ZFYVE28: variants seen among roughly 807,000 people sequenced by gnomAD.
ZFYVE28 encodes the protein lateral signaling target protein 2 homolog.
In ZFYVE28, 40 loss-of-function variants were observed where a neutral mutation model predicts 82.1. The ratio of observed to expected loss-of-function variants is 0.49; its 90% CI spans 0.38 to 0.63. The LOEUF (loss-of-function observed/expected upper bound fraction) is 0.63. Among genes scored for constraint, ZFYVE28 ranks in the 30% least tolerant of loss-of-function variants. ZFYVE28 has a pLI of 0.00. For synonymous variants in ZFYVE28, 612 were observed against 546.1 expected, an observed-to-expected ratio of 1.12 and a Z score of -1.68; for missense variants, 1,321 against 1,242.1, an observed-to-expected ratio of 1.06 and a Z score of -0.96.
chr4:2,392,667 T>G (rs1729964747), intron 1 of ZFYVE28, among the ~76,000 whole-genome samples: 1 of 152,184 alleles, frequency 6.6e-6, no homozygotes, highest in African/African-American at 2.4e-5. Flanking sequence ...ACAACTAAAT[T>G]TTGCAGCTTA....
chr4:2,313,403 G>C (rs1382859414), intron 7 of ZFYVE28, among the ~76,000 whole-genome samples: 1 of 152,080 alleles, frequency 6.6e-6, no homozygotes, highest in Non-Finnish European at 1.5e-5. Context: ...TGGGACCACA[G>C]ATATGTGCCA....
chr4:2,401,943 G>A (rs1009889303), intron 1 of ZFYVE28, among the ~76,000 whole-genome samples: 26 of 152,316 alleles, frequency 1.7e-4, no homozygotes, highest in Admixed American at 1.1e-3. Context: ...CTGAAGCCCC[G>A]TGTGCGTGGT....
intron 8 of ZFYVE28, among the ~76,000 whole-genome samples, chr4:2,278,294 C>T (rs1736664749): frequency 6.7e-6 from 1 of 149,624 alleles, no homozygotes; most frequent in Admixed American, 6.7e-5. Flanking sequence ...CTCAAGTGAG[C>T]CTCCCATCTC....
intron 1 of ZFYVE28, among the ~76,000 whole-genome samples, chr4:2,411,071 C>G (rs1163847874): frequency 6.6e-6 from 1 of 152,204 alleles, no homozygotes; most frequent in Non-Finnish European, 1.5e-5. Flanking sequence ...ATTGGGTGTG[C>G]TAGCCCAGTC....
rs180814348 is a variant in ZFYVE28, at chr4:2,337,671, C to T, written c.522-175G>A. ...CTGAGGTGGGAGGATGGCTTGAGCC[C>T]AGGAGTTCGAGGCACCACAGCAAGA... On this transcript the variant is annotated intron_variant, in intron 4 of 12. Transcript: ENST00000290974. Among the ~76,000 whole-genome samples, 271 of 152,148 alleles carry T rather than the reference C, an allele frequency of 1.8e-3. 4 individuals carry two copies. Among genetic ancestry groups the T allele is most frequent in the African/African-American group, 6.1e-3 (255 of 41,518 alleles).
intron 1 of ZFYVE28, among the ~76,000 whole-genome samples, chr4:2,387,897 G>C (rs1729439409): frequency 6.6e-6 from 1 of 152,242 alleles, no homozygotes; most frequent in African/African-American, 2.4e-5. Context: ...TCGGACAGCA[G>C]GACCCCTGAG....
intron 11 of ZFYVE28, 72 bp downstream of exon 11, chr4:2,271,603 G>A: frequency 6.6e-7 from 1 of 1,522,822 alleles, no homozygotes; most frequent in Non-Finnish European, 9.1e-7. Context: ...CCCCCAGGAG[G>A]AAGGCTCCTG....
intron 2 of ZFYVE28, among the ~76,000 whole-genome samples, chr4:2,349,780 C>T (rs190421653): frequency 7.2e-5 from 11 of 152,034 alleles, no homozygotes; most frequent in Admixed American, 2.0e-4. Flanking sequence ...TGATAATCTC[C>T]GTTGACACAC....
chr4:2,298,280 C>T (rs565864405), intron 8 of ZFYVE28, among the ~76,000 whole-genome samples: 8 of 151,682 alleles, frequency 5.3e-5, no homozygotes, highest in African/African-American at 1.5e-4. Flanking sequence ...CTGGGAGGAA[C>T]GGCAGAGGAT....
chr4:2,294,074 C>CTT (rs58688626), intron 8 of ZFYVE28, among the ~76,000 whole-genome samples: 285 of 138,002 alleles, frequency 2.1e-3, no homozygotes, highest in East Asian at 4.8e-3. Flanking sequence ...TCCCAGCAGG[C>CTT]TTTTTTTTTT....
rs1435781336 is a variant in ZFYVE28 at position 2,300,719 on chromosome 4, C to G, written c.2051+3570G>C. On this transcript the variant is annotated intron_variant, in intron 8 of 12. Transcript: ENST00000290974. This position sits in a 1 kb window ranked among gnomAD's most constrained non-coding sequence, Gnocchi z 4.6. Reference sequence around the variant, plus strand: ...TCTCGGGGGAATCTCACAGGCTGGTCGGCCGCAGCTCCACACATTTCCTTC... The same window carrying G: ...TCTCGGGGGAATCTCACAGGCTGGTGGGCCGCAGCTCCACACATTTCCTTC... Among the ~76,000 whole-genome samples, 1 of 152,086 alleles carries G rather than the reference C, an allele frequency of 6.6e-6. No homozygotes were observed. The highest frequency in any genetic ancestry group is 1.5e-5 in the Non-Finnish European group (1 of 68,008).
At chr4:2,294,723 C>A (rs1394047453) in intron 8 of ZFYVE28, among the ~76,000 whole-genome samples, 1 of 152,148 alleles carries the variant, frequency 6.6e-6, no homozygotes, top group Non-Finnish European at 1.5e-5. Context: ...ATATAAAGAA[C>A]TATCAGTACT....
chr4:2,270,988 C>A, intron 12 of ZFYVE28, 132 bp from the exon 13 acceptor site: 1 of 1,390,914 alleles, frequency 7.2e-7, no homozygotes. Flanking sequence ...CCCCAGCTGC[C>A]AGGGGTTGTG....
chr4:2,306,170 C>T (rs761633696), intron 7 of ZFYVE28, among the ~76,000 whole-genome samples: 7 of 152,256 alleles, frequency 4.6e-5, no homozygotes, highest in Non-Finnish European at 1.0e-4. Context: ...GCATTGAGGC[C>T]GAGACCCAAA....
chr4:2,304,439 C>G lies in ZFYVE28; in HGVS notation c.1901G>C (p.Cys634Ser). Residue 634 changes from cysteine (C) to serine (S), a missense_variant, in exon 8 of 13, where the codon TGC becomes TCC. By Grantham distance (112) the Cys-to-Ser change is moderately radical (BLOSUM62 -1). Coordinates refer to ENST00000290974, the MANE Select transcript of ZFYVE28 (RefSeq NM_020972.3). ...REPKAPTSDK[C>S]LPHTSGSQVD... The stretch of plus-strand genomic sequence containing the variant: ...CTGGGAACCTGAGGTGTGAGGCAGG[C>G]ACTTGTCGGAAGTGGGGGCTTTGGG... The G allele has an allele frequency of 6.2e-7, 1 of 1,613,686 alleles. No homozygotes were observed. Among genetic ancestry groups the G allele is most frequent in the Non-Finnish European group, 8.5e-7 (1 of 1,179,990 alleles).
Position 2,335,937 on chromosome 4 carries a change from C to T in ZFYVE28, c.612-143G>A. ...ACGTCAAGAGGTGACACATGCCACCCCCAGTCCTCATATGTGCAAGGGGCT... is the reference window on the plus strand; with the variant it reads ...ACGTCAAGAGGTGACACATGCCACCTCCAGTCCTCATATGTGCAAGGGGCT... On this transcript the variant is annotated intron_variant, in intron 5 of 12. Transcript: ENST00000290974. This position sits in a 1 kb window ranked among gnomAD's most constrained non-coding sequence, Gnocchi z 5.8. 1.5e-6 allele frequency: 1 copy of T among 670,422 alleles called. No homozygotes were observed. Among genetic ancestry groups the T allele is most frequent in the Non-Finnish European group, 2.7e-6 (1 of 373,230 alleles). 41.5% of individuals were successfully genotyped at this position (670,422 alleles called of 1,614,324 possible).
intron 1 of ZFYVE28, among the ~76,000 whole-genome samples, chr4:2,386,750 T>C (rs1318026212): frequency 6.6e-6 from 1 of 152,250 alleles, no homozygotes; most frequent in Non-Finnish European, 1.5e-5. Flanking sequence ...CCCAAATGCC[T>C]TTTCTTTATA....
At chr4:2,369,893 C>T (rs1297627423) in intron 1 of ZFYVE28, among the ~76,000 whole-genome samples, 1 of 144,794 alleles carries the variant, frequency 6.9e-6, no homozygotes, top group African/African-American at 2.6e-5. Context: ...GCTCTGTCAC[C>T]AGGCTGGAGT....
chr4:2,280,983 G>A (rs1484396249), intron 8 of ZFYVE28, among the ~76,000 whole-genome samples: 1 of 152,210 alleles, frequency 6.6e-6, no homozygotes. Flanking sequence ...GGTTGAGACC[G>A]AGGCCAGGCC....
Sources: gnomAD v4.1 joint callset for allele counts (sites outside exome capture counted in the v4.1 genomes callset) on GRCh38, gnomAD v4.1.1 for gene constraint, Gnocchi (gnomAD v3.1) non-coding constraint, MANE v1.5 for transcripts, NCBI Gene and HGNC (gene_info 2026-07-23, HGNC 2026-07-21) for gene names.